The following PRTG variants were observed in gnomAD, a reference collection of about 807,000 sequenced individuals.
The protein encoded by PRTG is immunoglobulin superfamily, DCC subclass, member 5.
In PRTG, 67 loss-of-function variants were observed where a neutral mutation model predicts 122.5. The observed-to-expected ratio is 0.55, with a 90% CI of 0.45 to 0.67. The LOEUF is 0.67. Among genes scored for constraint, PRTG ranks in the 30% least tolerant of loss-of-function variants. The pLI is 0.00. For missense variants in PRTG, 1,435 were observed against 1,415.4 expected (o/e 1.01, Z -0.22); for synonymous variants, 554 against 501.1 (o/e 1.11, Z -1.41).
chr15:55,711,718 T>TA (rs144040029), intron 2 of PRTG, among the ~76,000 whole-genome samples: 14,298 of 152,098 alleles, frequency 0.094, 806 homozygotes, highest in Middle Eastern at 0.17. Flanking sequence ...TACACACGAG[T>TA]AAGTGCAACT....
At position 55,619,713 on chromosome 15, in the gene PRTG, T is replaced by A. The variant is rs1284801188; in HGVS notation, c.*299A>T. The A allele has an allele frequency of 3.1e-6, 1 of 324,030 alleles. No individual in the cohort carries two copies. The highest frequency in any genetic ancestry group is 2.1e-5 in the African/African-American group (1 of 47,206). The allele number at this position is 324,030 out of a possible 1,614,324, so 20.1% of individuals were successfully genotyped here. A position where few individuals can be genotyped will look rare whatever the true frequency, so the allele number is the denominator to read the frequency against. On this transcript the variant is annotated 3_prime_UTR_variant, in exon 20 of 20. Transcript: ENST00000389286. ...CATTGCTGACAATGAAACATTCAAA[T>A]TACACAAGTTTAAAAATAAAAAACA... is the stretch of plus-strand genomic sequence containing the variant.
chr15:55,665,391 C>T (rs943677102), intron 11 of PRTG, among the ~76,000 whole-genome samples: 8 of 152,200 alleles, frequency 5.3e-5, no homozygotes, highest in Admixed American at 5.2e-4. Flanking sequence ...TGCTGCTGGT[C>T]CTGGGACTGC....
intron 10 of PRTG, 103 bp from the exon 11 acceptor site, chr15:55,672,736 G>C: frequency 1.3e-6 from 1 of 768,336 alleles, no homozygotes; most frequent in Non-Finnish European, 1.9e-6. Flanking sequence ...ATTACCAAAA[G>C]GTTCAATCCA....
intron 2 of PRTG, among the ~76,000 whole-genome samples, chr15:55,707,903 A>C (rs1292764006): frequency 6.6e-6 from 1 of 152,192 alleles, no homozygotes; most frequent in African/African-American, 2.4e-5. Context: ...ACCTTATGCA[A>C]ATTTTCCACA....
Position 55,728,994 on chromosome 15 carries a change from A to G in PRTG, c.397+11388T>C, listed in dbSNP as rs571806623. ...AGGAAATTAAACAATTCCATTTACAATAGCATCTAAAAGAATAAGATGCCC... is the reference window on the plus strand; with the variant it reads ...AGGAAATTAAACAATTCCATTTACAGTAGCATCTAAAAGAATAAGATGCCC... On this transcript the variant is annotated intron_variant, in intron 2 of 19. Transcript: ENST00000389286. Among the ~76,000 whole-genome samples the G allele has an allele frequency of 1.7e-3, 265 of 152,376 alleles. 2 individuals are homozygous for G. The highest frequency in any genetic ancestry group is 3.4e-3 in the Middle Eastern group (1 of 294).
chr15:55,627,121 T>C lies in PRTG; in HGVS notation c.2814A>G (p.Ser938=), dbSNP rs1435875388. The change falls in exon 17 of 20, where the codon TCA becomes TCG. Residue 938 remains serine (S), a synonymous_variant. Coordinates refer to ENST00000389286, the MANE Select transcript of PRTG (RefSeq NM_173814.6). ...RLDSADAKVY[S]GYYHLDQKSM... is the part of the protein sequence containing the mutation. The stretch of plus-strand genomic sequence containing the variant: ...ATTTTTGGTCCAGATGGTAATATCC[T>C]GAATAAACTAGAAGGGAAAACACAT... The C allele has an allele frequency of 6.3e-7, 1 of 1,585,962 alleles. No individual in the cohort carries two copies. Among genetic ancestry groups the C allele is most frequent in the Non-Finnish European group, 8.6e-7 (1 of 1,161,016 alleles).
At chr15:55,711,969 G>A (rs1207110950) in intron 2 of PRTG, among the ~76,000 whole-genome samples, 1 of 152,156 alleles carries the variant, frequency 6.6e-6, no homozygotes, top group East Asian at 1.9e-4. Flanking sequence ...ACCCTCAGGT[G>A]ACTGTTACAC....
chr15:55,672,698 G>A, intron 10 of PRTG, 65 bp from the exon 11 acceptor site: 1 of 1,215,550 alleles, frequency 8.2e-7, no homozygotes, highest in Non-Finnish European at 1.1e-6. Flanking sequence ...ACACAGAATA[G>A]GGTAGTTCTC....
chr15:55,708,171 A>C (rs1242552112), intron 2 of PRTG, among the ~76,000 whole-genome samples: 13 of 149,978 alleles, frequency 8.7e-5, no homozygotes, highest in Non-Finnish European at 1.6e-4. Context: ...AAAAAAAAAA[A>C]AAAAAACAGA....
chr15:55,702,502 T>C (rs1226181282), intron 2 of PRTG, among the ~76,000 whole-genome samples: 2 of 152,184 alleles, frequency 1.3e-5, no homozygotes, highest in East Asian at 3.8e-4. Flanking sequence ...CATCACCTCC[T>C]TCATCTAGAG....
chr15:55,679,887 C>T, intron 6 of PRTG, 167 bp downstream of exon 6: 1 of 598,730 alleles, frequency 1.7e-6, no homozygotes, highest in Non-Finnish European at 2.9e-6. Flanking sequence ...AATGATTCTA[C>T]AGTTATATTT....
chr15:55,664,177 C>T (rs1039185858), intron 11 of PRTG, among the ~76,000 whole-genome samples: 7 of 151,958 alleles, frequency 4.6e-5, no homozygotes, highest in African/African-American at 1.7e-4. Context: ...GAGTTTCACT[C>T]GTTGCCCAGG....
chr15:55,730,040 T>TGG (rs2031175461), intron 2 of PRTG, among the ~76,000 whole-genome samples: 1 of 152,194 alleles, frequency 6.6e-6, no homozygotes, highest in Non-Finnish European at 1.5e-5. Context: ...GTAATGGGTG[T>TGG]GTTGCACAAA....
intron 1 of PRTG, 33 bp downstream of exon 1, chr15:55,742,805 G>C (rs776174288): frequency 6.5e-7 from 1 of 1,539,716 alleles, no homozygotes; most frequent in South Asian, 1.2e-5. Context: ...CCGCCCCACA[G>C]CGGTAAGAGA....
chr15:55,697,655 C>T (rs894696556), intron 2 of PRTG, among the ~76,000 whole-genome samples: 2 of 152,100 alleles, frequency 1.3e-5, no homozygotes, highest in African/African-American at 4.8e-5. Flanking sequence ...CCACACCCAG[C>T]CACTTTGTAT....
At chr15:55,635,014 T>C (rs2059248854) in intron 15 of PRTG, among the ~76,000 whole-genome samples, 1 of 151,886 alleles carries the variant, frequency 6.6e-6, no homozygotes, top group South Asian at 2.1e-4. Context: ...TGTGAAAGCT[T>C]TGTATGTGGG....
intron 15 of PRTG, among the ~76,000 whole-genome samples, chr15:55,635,217 G>A (rs12917213): frequency 0.14 from 21,027 of 152,030 alleles, 1,932 homozygotes; most frequent in African/African-American, 0.26. Context: ...TCAGCCTCCC[G>A]AGTAGTTGGG....
chr15:55,639,489 C>A (rs2059277276), intron 13 of PRTG, among the ~76,000 whole-genome samples, 153 bp downstream of exon 13: 2 of 152,174 alleles, frequency 1.3e-5, no homozygotes, highest in South Asian at 4.1e-4. Context: ...GGTAAGGATG[C>A]AAAACTCCTA....
intron 2 of PRTG, among the ~76,000 whole-genome samples, chr15:55,686,455 TTTC>T (rs756912716): frequency 9.9e-5 from 15 of 152,168 alleles, no homozygotes; most frequent in Non-Finnish European, 2.2e-4. Context: ...ACTTTAACAA[TTTC>T]TTCTTCCACG....
Sources: allele counts gnomAD v4.1 joint callset (sites outside exome capture counted in the v4.1 genomes callset), GRCh38; gene constraint gnomAD v4.1.1; transcripts MANE v1.5; gene names NCBI Gene and HGNC (gene_info 2026-07-23, HGNC 2026-07-21).